Variants in SORCS1 observed in about 807,000 individuals in gnomAD.
SORCS1 encodes the protein sortilin related VPS10 domain containing receptor 1, also known as VPS10 domain-containing receptor SorCS1.
Under a neutral mutation model 146.1 loss-of-function variants are expected in SORCS1, and 60 were observed. The observed-to-expected ratio is 0.41, with a 90% CI of 0.33 to 0.51. The LOEUF (loss-of-function observed/expected upper bound fraction) is 0.51. Among genes scored for constraint, SORCS1 ranks in the 20% least tolerant of loss-of-function variants. The probability of loss-of-function intolerance (pLI) is 0.21; values close to 1 mark genes in which losing one functional copy is unlikely to be tolerated. For synonymous variants in SORCS1, 637 were observed against 584.0 expected (o/e 1.09, Z -1.31); for missense variants, 1,352 against 1,487.6 (o/e 0.91, Z 1.50).
At chr10:106,675,703 T>C (rs1044375043) in intron 13 of SORCS1, among the ~76,000 whole-genome samples, 1 of 152,234 alleles carries the variant, frequency 6.6e-6, no homozygotes, top group African/African-American at 2.4e-5. Context: ...TGGAATGCTC[T>C]AAATGCTTGT....
At chr10:107,046,763 C>T in intron 1 of SORCS1, among the ~76,000 whole-genome samples, 1 of 152,144 alleles carries the variant, frequency 6.6e-6, no homozygotes, top group Non-Finnish European at 1.5e-5. Flanking sequence ...AATCTAAAAA[C>T]CTCCCAGAAA....
rs778963439 is a variant in SORCS1 at position 106,730,107 on chromosome 10, T to C, written c.967A>G (p.Met323Val). The change falls in exon 6 of 26, where the codon ATG (methionine) becomes GTG (valine). Residue 323 changes from methionine to valine, a missense_variant. This residue lies in a region of SORCS1 where 490 missense variants were observed against 489.1 expected (regional missense o/e 1.00). Transcript: ENST00000263054. ...AGGTCTGGTTCTTTATTTGACCCCA[T>C]CACAGACCTAAAAAATGGAGAAACA... is the stretch of plus-strand genomic sequence containing the variant. Reference protein sequence around the residue: ...VVPNRFYWSVMGSNKEPDLVH... With the variant: ...VVPNRFYWSVVGSNKEPDLVH... 3.1e-6 allele frequency: 5 copies of C among 1,614,030 alleles called. No homozygotes were observed. Among genetic ancestry groups the C allele is most frequent in the Middle Eastern group, 1.6e-4 (1 of 6,062 alleles).
chr10:107,087,452 G>C (rs1447363233), intron 1 of SORCS1, among the ~76,000 whole-genome samples: 1 of 152,180 alleles, frequency 6.6e-6, no homozygotes, highest in African/African-American at 2.4e-5. Flanking sequence ...CATCTACGTT[G>C]ATTGGTTCTA....
intron 18 of SORCS1, among the ~76,000 whole-genome samples, chr10:106,638,327 C>A (rs947976265): frequency 1.3e-5 from 2 of 151,844 alleles, no homozygotes; most frequent in South Asian, 2.1e-4. Context: ...AGGAATAAAT[C>A]TCTATAGAAC....
intron 1 of SORCS1, among the ~76,000 whole-genome samples, chr10:106,979,866 T>G (rs988937616): frequency 5.9e-5 from 9 of 152,250 alleles, no homozygotes; most frequent in African/African-American, 1.9e-4. Flanking sequence ...TTCCTCATCA[T>G]GAAGGTATAG....
rs74152256 is a variant in SORCS1 at position 106,887,555 on chromosome 10, C to T, written c.627-57882G>A. ...TCACGCCACTCTACTCCAGCCTACACGATGGAGCAAGACTCCATCTCAAAA... is the reference window on the plus strand; with the variant it reads ...TCACGCCACTCTACTCCAGCCTACATGATGGAGCAAGACTCCATCTCAAAA... On this transcript the variant is annotated intron_variant, in intron 2 of 25. Coordinates refer to ENST00000263054, the MANE Select transcript of SORCS1 (RefSeq NM_052918.5). Among the ~76,000 whole-genome samples, 1,191 of 152,186 alleles carry T rather than the reference C, an allele frequency of 7.8e-3. 19 individuals carry two copies. Among genetic ancestry groups the T allele is most frequent in the African/African-American group, 0.027 (1,136 of 41,504 alleles).
intron 2 of SORCS1, among the ~76,000 whole-genome samples, chr10:106,841,012 T>C (rs1211706461): frequency 2.0e-5 from 3 of 151,520 alleles, no homozygotes; most frequent in South Asian, 2.1e-4. Flanking sequence ...CACGCCACCA[T>C]ACCCCGCTAA....
intron 1 of SORCS1, among the ~76,000 whole-genome samples, chr10:106,982,237 T>C (rs1371905669): frequency 6.6e-6 from 1 of 152,196 alleles, no homozygotes. Context: ...AACCAAGACT[T>C]GATGCCTATG....
At chr10:106,989,695 T>G (rs867871803) in intron 1 of SORCS1, among the ~76,000 whole-genome samples, 4 of 127,930 alleles carry the variant, frequency 3.1e-5, no homozygotes, top group East Asian at 2.1e-4. Context: ...TTTTTTTTTT[T>G]TTTTTTTCTG....
rs186644329 is a variant in SORCS1 at position 106,707,953 on chromosome 10, T to C, written c.1143+1270A>G. The stretch of plus-strand genomic sequence containing the variant: ...ACTTGGAAAGTTATCATCTTCACCG[T>C]CATGTGGCCAGATGACCTCTTAGGT... On this transcript the variant is annotated intron_variant, in intron 7 of 25. Coordinates refer to ENST00000263054, the MANE Select transcript of SORCS1 (RefSeq NM_052918.5). Among the ~76,000 whole-genome samples the C allele has an allele frequency of 4.3e-3, 650 of 152,316 alleles. 5 individuals carry two copies. The highest frequency in any genetic ancestry group is 0.015 in the African/African-American group (610 of 41,584).
intron 1 of SORCS1, among the ~76,000 whole-genome samples, chr10:107,086,151 G>C (rs1422986909): frequency 6.6e-6 from 1 of 152,164 alleles, no homozygotes; most frequent in Admixed American, 6.5e-5. Context: ...TTGCTTTCCA[G>C]AGACATGGAA....
At chr10:106,677,493 T>A in intron 12 of SORCS1, 89 bp from the exon 13 acceptor site, 1 of 1,153,942 alleles carries the variant, frequency 8.7e-7, no homozygotes, top group Non-Finnish European at 1.3e-6. Context: ...AGAACAAAAA[T>A]CCTTCCCATG....
chr10:106,999,615 C>T (rs1236984444), intron 1 of SORCS1, among the ~76,000 whole-genome samples: 1 of 152,156 alleles, frequency 6.6e-6, no homozygotes, highest in Non-Finnish European at 1.5e-5. Context: ...AGTTGACTTA[C>T]AAGACAAACT....
chr10:106,792,060 C>T (rs1303412545), intron 3 of SORCS1, among the ~76,000 whole-genome samples: 1 of 152,104 alleles, frequency 6.6e-6, no homozygotes, highest in East Asian at 1.9e-4. Flanking sequence ...GTTATTCTTA[C>T]TTCATAGTCT....
At position 106,914,997 on chromosome 10, in the gene SORCS1, G is replaced by A. The variant is rs547449242; in HGVS notation, c.626+41516C>T. The stretch of plus-strand genomic sequence containing the variant: ...AGTAACAGACACGAGACTGTGACTG[G>A]GGCAAGACAGCATCCACTAACAGAA... On this transcript the variant is annotated intron_variant, in intron 2 of 25. Transcript: ENST00000263054. Among the ~76,000 whole-genome samples the A allele has an allele frequency of 2.6e-5, 4 of 152,282 alleles. 1 individual carries two copies. The South Asian group carries it at 8.3e-4, about 32-fold the overall frequency.
intron 3 of SORCS1, among the ~76,000 whole-genome samples, chr10:106,786,221 G>C (rs181609193): frequency 6.6e-6 from 1 of 152,272 alleles, no homozygotes; most frequent in East Asian, 1.9e-4. Context: ...CAAGCATTTT[G>C]TTTTGTTTAA....
intron 2 of SORCS1, among the ~76,000 whole-genome samples, chr10:106,885,297 A>C (rs937588287): frequency 3.3e-5 from 5 of 149,888 alleles, no homozygotes; most frequent in African/African-American, 4.9e-5. Flanking sequence ...GGGGGGGGGA[A>C]CTTGAAGAAA....
rs183049913 is a variant in SORCS1, at chr10:106,788,240, G to C, written c.727-11548C>G. Among the ~76,000 whole-genome samples, 361 of 152,282 alleles carry C rather than the reference G, an allele frequency of 2.4e-3. 4 individuals are homozygous for C. Among genetic ancestry groups the C allele is most frequent in the African/African-American group, 8.2e-3 (342 of 41,584 alleles). On this transcript the variant is annotated intron_variant, in intron 3 of 25. Coordinates refer to ENST00000263054, the MANE Select transcript of SORCS1 (RefSeq NM_052918.5). ...TCAACACCCAGGAATTACAATTCAA[G>C]ATGAGATTTGGGTAGGGACATAAAG...
At chr10:106,998,585 T>C (rs1432408506) in intron 1 of SORCS1, among the ~76,000 whole-genome samples, 2 of 152,262 alleles carry the variant, frequency 1.3e-5, no homozygotes, top group Non-Finnish European at 1.5e-5. Context: ...CTGTATTAGA[T>C]ACTTTCAGAT....
Sources: allele counts gnomAD v4.1 joint callset (sites outside exome capture counted in the v4.1 genomes callset), GRCh38; gene constraint gnomAD v4.1.1; regional missense constraint gnomAD v4.1.1; transcripts MANE v1.5; gene names NCBI Gene and HGNC (gene_info 2026-07-23, HGNC 2026-07-21).